PARD3B: variants seen among roughly 807,000 people sequenced by gnomAD.
PARD3B encodes partitioning defective 3 homolog B.
A neutral mutation model predicts 130.2 loss-of-function variants in PARD3B; 103 were observed. That is an observed-to-expected ratio of 0.79 (90% CI 0.67 to 0.93). PARD3B has a LOEUF of 0.93. Ranked by LOEUF, PARD3B falls within the 40% of genes least tolerant of loss-of-function variation. The probability of loss-of-function intolerance (pLI) is 0.00; values close to 1 mark genes in which losing one functional copy is unlikely to be tolerated. For synonymous variants in PARD3B, 583 were observed against 553.2 expected (o/e 1.05, Z -0.76); for missense variants, 1,609 against 1,499.2 (o/e 1.07, Z -1.21).
intron 3 of PARD3B, among the ~76,000 whole-genome samples, chr2:204,989,880 A>G (rs1417557795): frequency 1.3e-5 from 2 of 152,120 alleles, no homozygotes; most frequent in Non-Finnish European, 2.9e-5. Flanking sequence ...CAGCATAACT[A>G]TAAACCACCT....
chr2:204,613,527 C>G (rs1399731174), intron 1 of PARD3B, among the ~76,000 whole-genome samples: 1 of 152,042 alleles, frequency 6.6e-6, no homozygotes. Context: ...TTCAGTTGTT[C>G]TCTTTCTGGT....
At chr2:205,539,635 G>T (rs2052033543) in intron 21 of PARD3B, among the ~76,000 whole-genome samples, 1 of 152,072 alleles carries the variant, frequency 6.6e-6, no homozygotes, top group South Asian at 2.1e-4. Context: ...TTTTAACAAT[G>T]GCTACTAAAA....
At chr2:205,429,714 A>T (rs2047263489) in intron 19 of PARD3B, among the ~76,000 whole-genome samples, 1 of 152,148 alleles carries the variant, frequency 6.6e-6, no homozygotes, top group Admixed American at 6.5e-5. Flanking sequence ...CCTTTAAGGT[A>T]TTTATATTGG....
chr2:204,672,686 T>G (rs187516204), intron 1 of PARD3B, among the ~76,000 whole-genome samples: 1 of 152,314 alleles, frequency 6.6e-6, no homozygotes, highest in Admixed American at 6.5e-5. Context: ...TCCCAAATTT[T>G]TGACGTGTGA....
chr2:205,035,819 A>C (rs1697799441), intron 3 of PARD3B, among the ~76,000 whole-genome samples: 1 of 77,318 alleles, frequency 1.3e-5, no homozygotes, highest in African/African-American at 5.5e-5. Flanking sequence ...ATATATATAT[A>C]TCTATATATC....
At chr2:204,621,356 T>G (rs1260545833) in intron 1 of PARD3B, among the ~76,000 whole-genome samples, 1 of 152,184 alleles carries the variant, frequency 6.6e-6, no homozygotes, top group Non-Finnish European at 1.5e-5. Context: ...ATTTGTGTAT[T>G]TGCTCCTACC....
At chr2:205,131,766 G>A (rs958537993) in intron 10 of PARD3B, among the ~76,000 whole-genome samples, 1 of 152,148 alleles carries the variant, frequency 6.6e-6, no homozygotes, top group South Asian at 2.1e-4. Flanking sequence ...CAATAAGACC[G>A]TAAGCAGCCC....
chr2:204,647,607 A>C (rs1040428029), intron 1 of PARD3B, among the ~76,000 whole-genome samples: 1 of 151,890 alleles, frequency 6.6e-6, no homozygotes, highest in African/African-American at 2.4e-5. Context: ...CACTGTGATC[A>C]TATGCAATAT....
chr2:204,759,231 CTGAT>C (rs1267944168), intron 2 of PARD3B, among the ~76,000 whole-genome samples: 14 of 152,194 alleles, frequency 9.2e-5, no homozygotes, highest in African/African-American at 1.4e-4. Context: ...ACTTTCCTAT[CTGAT>C]TGGCCACACC....
chr2:204,934,698 C>G (rs1321389868), intron 2 of PARD3B, among the ~76,000 whole-genome samples: 3 of 152,054 alleles, frequency 2.0e-5, no homozygotes, highest in African/African-American at 7.3e-5. Flanking sequence ...TACACACTAA[C>G]ATGTAAAACT....
chr2:205,581,354 CGTGT>C (rs2053971762), intron 22 of PARD3B, among the ~76,000 whole-genome samples: 1 of 142,328 alleles, frequency 7.0e-6, no homozygotes, highest in Non-Finnish European at 1.5e-5. Flanking sequence ...TGTGTGTGTA[CGTGT>C]GTGTACGTGT....
chr2:204,565,300 T>C (rs1361026888), intron 1 of PARD3B, among the ~76,000 whole-genome samples: 3 of 152,186 alleles, frequency 2.0e-5, no homozygotes, highest in African/African-American at 7.2e-5. Flanking sequence ...AACATAATCA[T>C]GGGAGTGACA....
intron 3 of PARD3B, among the ~76,000 whole-genome samples, chr2:204,989,832 G>T (rs917412079): frequency 6.6e-6 from 1 of 151,918 alleles, no homozygotes; most frequent in Non-Finnish European, 1.5e-5. Flanking sequence ...TTAAAAAAAT[G>T]GATATTTGCA....
At chr2:204,957,795 A>C (rs1021920640) in intron 2 of PARD3B, among the ~76,000 whole-genome samples, 1 of 152,170 alleles carries the variant, frequency 6.6e-6, no homozygotes, top group Non-Finnish European at 1.5e-5. Flanking sequence ...CAAAGGTGAT[A>C]ATGTGATTTT....
intron 8 of PARD3B, among the ~76,000 whole-genome samples, chr2:205,123,656 C>CAA (rs34397237): frequency 1.7e-4 from 2 of 11,818 alleles, no homozygotes; most frequent in African/African-American, 2.8e-4. Flanking sequence ...GAGTCAATTT[C>CAA]AAAAAAAAAA....
rs550693013 is a variant in PARD3B at position 205,235,279 on chromosome 2, G to A, written c.2141-10499G>A. Among the ~76,000 whole-genome samples, 30 of 152,056 alleles carry A rather than the reference G, an allele frequency of 2.0e-4. No individual in the cohort carries two copies. In the South Asian group the frequency reaches 5.2e-3, roughly 26 times the overall value. On this transcript the variant is annotated intron_variant, in intron 15 of 22. Coordinates refer to ENST00000406610, the MANE Select transcript of PARD3B (RefSeq NM_001302769.2). ...ATACTGAAAATACAAAAAGTTAGTC[G>A]GGCATGGTGGCATTTGCCTGTAGTC... is the stretch of plus-strand genomic sequence containing the variant.
intron 2 of PARD3B, among the ~76,000 whole-genome samples, chr2:204,880,809 T>C (rs542730448): frequency 6.6e-6 from 1 of 152,066 alleles, no homozygotes; most frequent in African/African-American, 2.4e-5. Flanking sequence ...CATAACCCTA[T>C]AGGGAGCCAG....
intron 10 of PARD3B, among the ~76,000 whole-genome samples, chr2:205,154,834 G>C (rs2034006730): frequency 6.6e-6 from 1 of 152,166 alleles, no homozygotes; most frequent in African/African-American, 2.4e-5. Context: ...CTCATAGGTG[G>C]GAATTGAACA....
chr2:205,495,051 C>G (rs1427502082), intron 20 of PARD3B, among the ~76,000 whole-genome samples: 1 of 152,082 alleles, frequency 6.6e-6, no homozygotes, highest in African/African-American at 2.4e-5. Flanking sequence ...TTAAAAAGTA[C>G]TACAGTTGAG....
Sources: allele counts gnomAD v4.1 joint callset (sites outside exome capture counted in the v4.1 genomes callset), GRCh38; gene constraint gnomAD v4.1.1; transcripts MANE v1.5; gene names NCBI Gene and HGNC (gene_info 2026-07-23, HGNC 2026-07-21).